The following CENPN variants were observed in gnomAD, a reference collection of about 807,000 sequenced individuals.
CENPN encodes centromere protein N, also known as interphase centromere complex protein 32.
A neutral mutation model predicts 48.6 loss-of-function variants in CENPN; 36 were observed. That is an observed-to-expected ratio of 0.74 (90% CI 0.57 to 0.98). The LOEUF is 0.98. CENPN is among the 50% of genes least tolerant of loss of function. CENPN has a pLI of 0.00. For synonymous variants in CENPN, 166 were observed against 135.2 expected, an observed-to-expected ratio of 1.23 and a Z score of -1.58; for missense variants, 439 against 399.2, an observed-to-expected ratio of 1.10 and a Z score of -0.85.
At chr16:81,027,668 C>T (rs1233533459) in intron 9 of CENPN, among the ~76,000 whole-genome samples, 2 of 152,156 alleles carry the variant, frequency 1.3e-5, no homozygotes, top group African/African-American at 4.8e-5. Flanking sequence ...GGCATTTTGC[C>T]TTGGATGTTG....
rs1411385038 is a variant in CENPN, at chr16:81,023,931, AT to A, written c.634-782del. ...TTGTCTCTACTAAAAATACAAAAAA[AT>A]TAGCCAGGCATGGTGGCGGGTGCCT... On this transcript the variant is annotated intron_variant, in intron 7 of 10. Coordinates refer to ENST00000305850, the MANE Select transcript of CENPN (RefSeq NM_001100624.3). The A allele has an allele frequency of 2.6e-5, 4 of 152,386 alleles. No individual in the cohort carries two copies. The East Asian group carries it at 7.7e-4, about 29-fold the overall frequency. The allele number at this position is 152,386 out of a possible 1,614,324, so 9.4% of individuals were successfully genotyped here.
At chr16:81,015,378 C>G (rs1969893327) in intron 3 of CENPN, among the ~76,000 whole-genome samples, 1 of 152,210 alleles carries the variant, frequency 6.6e-6, no homozygotes, top group Non-Finnish European at 1.5e-5. Context: ...CTGTGGCATA[C>G]CGACATCTCT....
At chr16:81,020,965 A>C (rs1046797897) in intron 6 of CENPN, among the ~76,000 whole-genome samples, 8 of 151,896 alleles carry the variant, frequency 5.3e-5, no homozygotes, top group Admixed American at 2.0e-4. Flanking sequence ...GGTGGTGGGC[A>C]CCTGTAATCC....
At position 81,022,722 on chromosome 16, in the gene CENPN, T is replaced by A. The variant is rs375632780; in HGVS notation, c.633+24T>A. ...AGGTGAGCCAATCAGTGACTCTCTT[T>A]AAAGGTAAATCTTTATTTTCTCTTT... On this transcript the variant is annotated intron_variant, in intron 7 of 10. Coordinates refer to ENST00000305850, the MANE Select transcript of CENPN (RefSeq NM_001100624.3). The A allele has an allele frequency of 2.4e-5, 39 of 1,613,986 alleles. No individual in the cohort carries two copies. In the Middle Eastern group the frequency reaches 6.6e-4, roughly 27 times the overall value.
Position 81,030,133 on chromosome 16 carries a change from C to A in CENPN, c.*1482C>A, listed in dbSNP as rs1468152274. On this transcript the variant is annotated 3_prime_UTR_variant, in exon 11 of 11. Coordinates refer to ENST00000305850, the MANE Select transcript of CENPN (RefSeq NM_001100624.3). ...GTTCCCATGACTCAAGTATCTCCAC[C>A]TGGCCCTGCCCTTGTCACATGGGGG... The A allele has an allele frequency of 2.2e-6, 2 of 897,786 alleles. No homozygotes were observed. The highest frequency in any genetic ancestry group is 1.8e-5 in the African/African-American group (1 of 55,354). The allele number at this position is 897,786 out of a possible 1,614,324, so 55.6% of individuals were successfully genotyped here.
At chr16:81,011,322 G>A (rs1470878541) in intron 1 of CENPN, among the ~76,000 whole-genome samples, 2 of 152,022 alleles carry the variant, frequency 1.3e-5, no homozygotes, top group African/African-American at 4.8e-5. Flanking sequence ...CATTTTCTCC[G>A]GCACTCCTCA....
chr16:81,011,243 A>C (rs186221846), intron 1 of CENPN, among the ~76,000 whole-genome samples: 15 of 152,204 alleles, frequency 9.9e-5, no homozygotes, highest in African/African-American at 3.6e-4. Context: ...ATTGCCCCCA[A>C]GTCATGTTCT....
chr16:81,020,035 T>C, intron 5 of CENPN, 65 bp from the exon 6 acceptor site: 2 of 1,450,452 alleles, frequency 1.4e-6, no homozygotes, highest in Non-Finnish European at 1.9e-6. Context: ...AATAAGCACC[T>C]GGAGTTGGTG....
intron 5 of CENPN, among the ~76,000 whole-genome samples, chr16:81,018,854 G>A (rs1970045474): frequency 6.6e-6 from 1 of 152,214 alleles, no homozygotes; most frequent in Non-Finnish European, 1.5e-5. Context: ...AGATCTCAGA[G>A]GGAGGAAACA....
rs776364668 is a variant in CENPN at position 81,017,308 on chromosome 16, C to T, written c.218-18C>T. On this transcript the variant is annotated intron_variant, in intron 3 of 10. Transcript: ENST00000305850. ...GTTCTATGATATGCTAGTAATAAAG[C>T]TTTCTTCCCTCTCTCAGATATGCAA... is the stretch of plus-strand genomic sequence containing the variant. The T allele has an allele frequency of 8.3e-6, 13 of 1,562,322 alleles. No homozygotes were observed. In the Admixed American group the frequency reaches 2.2e-4, roughly 26 times the overall value.
intron 9 of CENPN, among the ~76,000 whole-genome samples, chr16:81,026,957 AT>A (rs879684523): frequency 2.0e-4 from 30 of 147,690 alleles, no homozygotes; most frequent in Middle Eastern, 3.5e-3. Flanking sequence ...CACCTGGCTA[AT>A]TTTTTTTTTT....
At chr16:81,008,480 T>C (rs1029684047) in intron 1 of CENPN, among the ~76,000 whole-genome samples, 3 of 152,116 alleles carry the variant, frequency 2.0e-5, no homozygotes, top group Non-Finnish European at 4.4e-5. Context: ...CAGGCTGTTC[T>C]CTTGCCTCAG....
chr16:81,029,159 T>A lies in CENPN; in HGVS notation c.*508T>A, dbSNP rs1284546092. 1 of 985,040 alleles carries A rather than the reference T, an allele frequency of 1.0e-6. No individual in the cohort carries two copies. Among genetic ancestry groups the A allele is most frequent in the Non-Finnish European group, 1.2e-6 (1 of 829,672 alleles). The allele number at this position is 985,040 out of a possible 1,614,324, so 61.0% of individuals were successfully genotyped here. ...AAAGGATGGAGTTGAGTCCATTCTG[T>A]TATTGTTGCAAGAGGTTGCATATTT... On this transcript the variant is annotated 3_prime_UTR_variant, in exon 11 of 11. Transcript: ENST00000305850.
At chr16:81,020,844 C>A (rs1035691296) in intron 6 of CENPN, among the ~76,000 whole-genome samples, 7 of 152,140 alleles carry the variant, frequency 4.6e-5, no homozygotes, top group Non-Finnish European at 8.8e-5. Context: ...AATCCCAATA[C>A]TTTGGGAGGC....
chr16:81,023,964 C>T (rs1597103217), intron 7 of CENPN: 1 of 152,320 alleles, frequency 6.6e-6, no homozygotes, highest in African/African-American at 2.4e-5. Flanking sequence ...GCCTGTAGTC[C>T]CAGCTACTTG....
chr16:81,032,071 C>T (rs965044582), downstream of CENPN, among the ~76,000 whole-genome samples: 9 of 152,278 alleles, frequency 5.9e-5, no homozygotes, highest in East Asian at 1.5e-3. Flanking sequence ...ACTTGAGAGT[C>T]AAGGTCCCTC....
chr16:81,030,080 C>G lies in CENPN; in HGVS notation c.*1429C>G, dbSNP rs1006936459. 1 of 418,562 alleles carries G rather than the reference C, an allele frequency of 2.4e-6. No individual in the cohort carries two copies. The highest frequency in any genetic ancestry group is 2.2e-5 in the African/African-American group (1 of 46,076). 25.9% of individuals were successfully genotyped at this position (418,562 alleles called of 1,614,324 possible). ...CACCAGAGCTCATGAAACTTATTCA[C>G]TACCATGAGAATAGTATGGGGGAAA... is the stretch of plus-strand genomic sequence containing the variant. On this transcript the variant is annotated 3_prime_UTR_variant, in exon 11 of 11. Transcript: ENST00000305850.
intron 7 of CENPN, chr16:81,024,460 C>G (rs771010527): frequency 4.9e-5 from 13 of 264,434 alleles, no homozygotes; most frequent in Non-Finnish European, 7.1e-5. Context: ...TCCGTAGATT[C>G]CCTGGGCTCT....
chr16:81,008,088 C>G lies in CENPN; in HGVS notation c.-11+811C>G, dbSNP rs149847881. On this transcript the variant is annotated intron_variant, in intron 1 of 10. Transcript: ENST00000305850. Reference sequence around the variant, plus strand: ...CGCCACTGCACTGCACCCTGGGCGACAAAGCGAGACTGTGTCTCCGAAACA... The same window carrying G: ...CGCCACTGCACTGCACCCTGGGCGAGAAAGCGAGACTGTGTCTCCGAAACA... 4.7e-3 allele frequency among the ~76,000 whole-genome samples: 720 copies of G among 152,184 alleles called. 7 individuals carry two copies. The highest frequency in any genetic ancestry group is 0.016 in the African/African-American group (668 of 41,528).
Sources: allele counts gnomAD v4.1 joint callset (sites outside exome capture counted in the v4.1 genomes callset), GRCh38; gene constraint gnomAD v4.1.1; transcripts MANE v1.5; gene names NCBI Gene and HGNC (gene_info 2026-07-23, HGNC 2026-07-21).